The following MGAT4C variants were observed in gnomAD, a reference collection of about 807,000 sequenced individuals.
MGAT4C encodes the protein MGAT4 family member C, also known as alpha-1,3-mannosyl-glycoprotein 4-beta-N-acetylglucosaminyltransferase C.
MGAT4C carries 19 observed loss-of-function variants against 40.1 expected under a neutral mutation model. That is an observed-to-expected ratio of 0.47 (90% CI 0.33 to 0.70). The LOEUF (loss-of-function observed/expected upper bound fraction) is 0.70, where lower values mean the gene tolerates loss of function less well. Ranked by LOEUF, MGAT4C falls within the 30% of genes least tolerant of loss-of-function variation. MGAT4C has a pLI of 0.02. For synonymous variants in MGAT4C, 181 were observed against 187.1 expected (o/e 0.97, Z 0.27); for missense variants, 491 against 563.2 (o/e 0.87, Z 1.30).
intron 1 of MGAT4C, among the ~76,000 whole-genome samples, chr12:86,797,751 G>A (rs548700990): frequency 6.6e-6 from 1 of 151,968 alleles, no homozygotes; most frequent in South Asian, 2.1e-4. Flanking sequence ...AATAGCATAA[G>A]GCACTTTATT....
intron 2 of MGAT4C, among the ~76,000 whole-genome samples, chr12:86,630,621 C>A (rs1053350880): frequency 6.6e-6 from 1 of 152,042 alleles, no homozygotes; most frequent in Non-Finnish European, 1.5e-5. Context: ...TAAAAGTAAA[C>A]CATCACATAA....
chr12:86,116,363 T>C (rs1021093301), intron 1 of MGAT4C, among the ~76,000 whole-genome samples: 1 of 151,934 alleles, frequency 6.6e-6, no homozygotes, highest in Admixed American at 6.6e-5. Flanking sequence ...TAGAAAAAGA[T>C]GCAAAGATAC....
At chr12:86,252,577 T>C (rs925283535) in intron 1 of MGAT4C, among the ~76,000 whole-genome samples, 3 of 151,978 alleles carry the variant, frequency 2.0e-5, no homozygotes, top group African/African-American at 7.2e-5. Context: ...TTAGTGCCAT[T>C]GTCCTAGGAA....
chr12:86,436,761 A>G (rs1957145369), intron 2 of MGAT4C, among the ~76,000 whole-genome samples: 1 of 151,774 alleles, frequency 6.6e-6, no homozygotes, highest in African/African-American at 2.4e-5. Context: ...CAATTGGAGA[A>G]TAGGCATTTA....
chr12:85,969,426 A>G lies in MGAT4C; in HGVS notation c.*9863T>C, dbSNP rs1883512241. 1 of 151,688 alleles carries G rather than the reference A, an allele frequency of 6.6e-6. No homozygotes were observed. Among genetic ancestry groups the G allele is most frequent in the Admixed American group, 6.6e-5 (1 of 15,190 alleles). The allele number at this position is 151,688 out of a possible 1,614,324, so 9.4% of individuals were successfully genotyped here. A position where few individuals can be genotyped will look rare whatever the true frequency, so the allele number is the denominator to read the frequency against. ...GGCTGGTGTTATGAAAGACTATTAT[A>G]TGATTAATACAAAGTTATAATTTTT... On this transcript the variant is annotated 3_prime_UTR_variant, in exon 5 of 5. Transcript: ENST00000611864.
At chr12:86,355,010 G>A (rs921399649) in intron 3 of MGAT4C, among the ~76,000 whole-genome samples, 6 of 152,166 alleles carry the variant, frequency 3.9e-5, no homozygotes, top group African/African-American at 1.4e-4. Flanking sequence ...TCTCGCCCTT[G>A]TCCTACTGAT....
intron 1 of MGAT4C, among the ~76,000 whole-genome samples, chr12:86,744,121 GC>G (rs1435726359): frequency 1.3e-5 from 2 of 151,528 alleles, no homozygotes; most frequent in Non-Finnish European, 3.0e-5. Context: ...TGGTGCTGTA[GC>G]TGCAACTACA....
At chr12:86,288,220 A>T (rs984358021) in intron 4 of MGAT4C, among the ~76,000 whole-genome samples, 1 of 151,894 alleles carries the variant, frequency 6.6e-6, no homozygotes, top group Non-Finnish European at 1.5e-5. Context: ...AAATTTGTTT[A>T]AGTTCCTTGT....
chr12:86,808,577 C>T (rs147434954), intron 1 of MGAT4C, among the ~76,000 whole-genome samples: 39 of 152,098 alleles, frequency 2.6e-4, no homozygotes, highest in African/African-American at 7.7e-4. Flanking sequence ...TAAAATTCAA[C>T]ATTCCTTCAT....
intron 2 of MGAT4C, among the ~76,000 whole-genome samples, chr12:86,711,350 A>T (rs145392934): frequency 6.6e-6 from 1 of 152,164 alleles, no homozygotes; most frequent in African/African-American, 2.4e-5. Context: ...CAGTACCAGG[A>T]GCTGGGGAAG....
chr12:86,779,470 T>G (rs1298720278), intron 1 of MGAT4C, among the ~76,000 whole-genome samples: 3 of 151,786 alleles, frequency 2.0e-5, no homozygotes, highest in Admixed American at 6.6e-5. Flanking sequence ...GGCATGGTAG[T>G]GTACGCCTGT....
At chr12:86,213,593 T>C (rs1223146201) in intron 1 of MGAT4C, among the ~76,000 whole-genome samples, 2 of 151,850 alleles carry the variant, frequency 1.3e-5, no homozygotes, top group African/African-American at 4.8e-5. Context: ...TGTTTATGTT[T>C]AATGGTTCCT....
At chr12:86,162,371 T>C (rs1469656666) in intron 1 of MGAT4C, among the ~76,000 whole-genome samples, 1 of 152,072 alleles carries the variant, frequency 6.6e-6, no homozygotes, top group Non-Finnish European at 1.5e-5. Flanking sequence ...GAGGCCACAA[T>C]CTTAAGCAAA....
chr12:86,720,764 T>C lies in MGAT4C; in HGVS notation c.-229+6445A>G, dbSNP rs148764288. ...AATTCTAGACTATCAACTGATATAA[T>C]AGCATGTTAAAAATGAAATTTGGAT... On this transcript the variant is annotated intron_variant, in intron 2 of 7. Coordinates refer to the MGAT4C transcript ENST00000548651. Among the ~76,000 whole-genome samples, 351 of 152,296 alleles carry C rather than the reference T, an allele frequency of 2.3e-3. 3 individuals are homozygous for C. Among genetic ancestry groups the C allele is most frequent in the African/African-American group, 7.7e-3 (320 of 41,566 alleles).
intron 3 of MGAT4C, among the ~76,000 whole-genome samples, chr12:86,413,285 C>T (rs1956642620): frequency 6.6e-6 from 1 of 152,082 alleles, no homozygotes; most frequent in Non-Finnish European, 1.5e-5. Flanking sequence ...CTTCGCTCTT[C>T]TGGGTTTCAG....
chr12:86,713,352 C>T (rs2136634613), intron 2 of MGAT4C, among the ~76,000 whole-genome samples: 1 of 152,164 alleles, frequency 6.6e-6, no homozygotes, highest in Non-Finnish European at 1.5e-5. Flanking sequence ...AGCTGTTGAA[C>T]ATTCAACCAA....
chr12:86,630,436 C>T (rs570470675), intron 2 of MGAT4C, among the ~76,000 whole-genome samples: 9 of 152,240 alleles, frequency 5.9e-5, no homozygotes, highest in African/African-American at 2.2e-4. Context: ...CAAAGCCTGG[C>T]AGAGACACAC....
At chr12:86,203,052 GTGTT>G (rs1950108499) in intron 1 of MGAT4C, among the ~76,000 whole-genome samples, 1 of 122,594 alleles carries the variant, frequency 8.2e-6, no homozygotes, top group African/African-American at 2.9e-5. Flanking sequence ...GTGTGTGTGT[GTGTT>G]TTTACATAGC....
At chr12:86,257,705 T>C (rs1952563026), upstream of MGAT4C, among the ~76,000 whole-genome samples, 1 of 152,202 alleles carries the variant, frequency 6.6e-6, no homozygotes, top group African/African-American at 2.4e-5. Context: ...TATATGAAAA[T>C]ACACTTTCAT....
Sources: allele counts gnomAD v4.1 joint callset (sites outside exome capture counted in the v4.1 genomes callset), GRCh38; gene constraint gnomAD v4.1.1; transcripts MANE v1.5; gene names NCBI Gene and HGNC (gene_info 2026-07-23, HGNC 2026-07-21).